The following CTNNA3 variants were observed in gnomAD, a reference collection of about 807,000 sequenced individuals.
CTNNA3 encodes catenin alpha-3.
A neutral mutation model predicts 95.7 loss-of-function variants in CTNNA3; 76 were observed. The ratio of observed to expected loss-of-function variants is 0.79; its 90% CI spans 0.66 to 0.96. The LOEUF is 0.96. CTNNA3 is among the 40% of genes least tolerant of loss of function. The pLI, the probability that CTNNA3 is intolerant of heterozygous loss-of-function variation, is 0.00. For synonymous variants in CTNNA3, 431 were observed against 374.4 expected, an observed-to-expected ratio of 1.15 and a Z score of -1.74; for missense variants, 1,191 against 1,089.8, an observed-to-expected ratio of 1.09 and a Z score of -1.31.
At chr10:66,382,711 T>G (rs2092851806) in intron 11 of CTNNA3, among the ~76,000 whole-genome samples, 1 of 152,134 alleles carries the variant, frequency 6.6e-6, no homozygotes, top group Non-Finnish European at 1.5e-5. Context: ...TATAGGCGGC[T>G]GCCCCTCTGG....
rs1386460728 is a variant in CTNNA3 at position 66,280,530 on chromosome 10, G to A, written c.1824C>T (p.Asp608=). The change falls in exon 13 of 18, where the codon GAC becomes GAT. Residue 608 remains aspartate (D), a synonymous_variant. Coordinates refer to ENST00000433211, the MANE Select transcript of CTNNA3 (RefSeq NM_013266.4). Reference sequence around the variant, plus strand: ...TTGTATCATAGATCTTCTTTGAGATGTCCACAAATTGATTATCATCCAACA... The same window carrying A: ...TTGTATCATAGATCTTCTTTGAGATATCCACAAATTGATTATCATCCAACA... The part of the protein sequence containing the change: ...LNVLDDNQFV[D]ISKKIYDTIH... 3.7e-6 allele frequency: 6 copies of A among 1,609,548 alleles called. No individual in the cohort carries two copies. Among genetic ancestry groups the A allele is most frequent in the Middle Eastern group, 1.7e-4 (1 of 6,036 alleles).
chr10:67,579,153 A>G (rs1264379572), intron 3 of CTNNA3, among the ~76,000 whole-genome samples: 3 of 147,608 alleles, frequency 2.0e-5, no homozygotes, highest in African/African-American at 7.6e-5. Flanking sequence ...TGCTGCACCG[A>G]TTAACTCATC....
intron 12 of CTNNA3, among the ~76,000 whole-genome samples, chr10:66,367,926 A>T (rs1341741634): frequency 7.5e-6 from 1 of 133,754 alleles, no homozygotes; most frequent in Non-Finnish European, 1.6e-5. Context: ...TATTATTATT[A>T]TTTTCTGGGA....
At chr10:66,722,133 C>T (rs1564639729) in intron 9 of CTNNA3, among the ~76,000 whole-genome samples, 1 of 152,126 alleles carries the variant, frequency 6.6e-6, no homozygotes, top group Non-Finnish European at 1.5e-5. Context: ...AATCCCAGCA[C>T]TTTGGGAGGC....
At chr10:67,659,740 G>A (rs1840126051) in intron 1 of CTNNA3, among the ~76,000 whole-genome samples, 1 of 152,180 alleles carries the variant, frequency 6.6e-6, no homozygotes, top group African/African-American at 2.4e-5. Flanking sequence ...AAGTGACAGA[G>A]GCTTCTGTTG....
rs1454649034 is a variant in CTNNA3, at chr10:67,647,490, T to C, written c.24A>G (p.Thr8=). The part of the protein sequence containing the change: MSAETPI[T]LNIDPQDLQV... Reference sequence around the variant, plus strand: ...GCAGATCCTGAGGATCGATATTCAATGTGATTGGTGTTTCAGCTGACATGC... The same window carrying C: ...GCAGATCCTGAGGATCGATATTCAACGTGATTGGTGTTTCAGCTGACATGC... The change falls in exon 2 of 18, where the codon ACA becomes ACG. Residue 8 remains threonine, a synonymous_variant. Coordinates refer to ENST00000433211, the MANE Select transcript of CTNNA3 (RefSeq NM_013266.4). The C allele has an allele frequency of 1.2e-6, 2 of 1,613,368 alleles. No individual in the cohort carries two copies. Among genetic ancestry groups the C allele is most frequent in the East Asian group, 2.2e-5 (1 of 44,862 alleles).
intron 8 of CTNNA3, among the ~76,000 whole-genome samples, chr10:66,770,892 G>A (rs1371287529): frequency 6.6e-6 from 1 of 151,818 alleles, no homozygotes; most frequent in African/African-American, 2.4e-5. Flanking sequence ...TAAATTAAAA[G>A]CCATTTTAAT....
intron 9 of CTNNA3, among the ~76,000 whole-genome samples, chr10:66,763,916 C>T (rs1839730674): frequency 6.6e-6 from 1 of 152,190 alleles, no homozygotes; most frequent in Non-Finnish European, 1.5e-5. Flanking sequence ...GCTCCATTCC[C>T]TGCCAGTATG....
chr10:66,792,279 AAT>A (rs1392705061), intron 7 of CTNNA3, among the ~76,000 whole-genome samples: 1 of 152,220 alleles, frequency 6.6e-6, no homozygotes, highest in East Asian at 1.9e-4. Flanking sequence ...GATGTCTACT[AAT>A]ATTCCTCGTA....
At chr10:66,597,550 ATATATT>A (rs1415292394) in intron 10 of CTNNA3, among the ~76,000 whole-genome samples, 18 of 133,120 alleles carry the variant, frequency 1.4e-4, no homozygotes, top group Non-Finnish European at 2.4e-4. Flanking sequence ...ATATATATAT[ATATATT>A]TATTAAAAAT....
At chr10:66,399,321 T>C (rs2093002455) in intron 11 of CTNNA3, among the ~76,000 whole-genome samples, 1 of 151,832 alleles carries the variant, frequency 6.6e-6, no homozygotes, top group South Asian at 2.1e-4. Context: ...TCTTCTGCAC[T>C]AGTGAATTTT....
rs1284606581 is a variant in CTNNA3, at chr10:67,043,131, C to CTTTTTTTTT, written c.1047+137185_1047+137186insAAAAAAAAA. On this transcript the variant is annotated intron_variant, in intron 7 of 17. Transcript: ENST00000433211. ...GATTTCATGCCTCAAGGCTCACTTT[C>CTTTTTTTTT]TTTCTTTTTTTTTTTTTTTTTCTGT... 3.3e-5 allele frequency among the ~76,000 whole-genome samples: 2 copies of CTTTTTTTTT among 60,210 alleles called. 1 individual carries two copies. 39.5% of individuals were successfully genotyped at this position (60,210 alleles called of 152,430 possible).
intron 5 of CTNNA3, among the ~76,000 whole-genome samples, chr10:67,298,691 A>G (rs1468778730): frequency 6.6e-6 from 1 of 152,212 alleles, no homozygotes; most frequent in Non-Finnish European, 1.5e-5. Flanking sequence ...ATGTAAATGC[A>G]AACTACTTCT....
intron 1 of CTNNA3, among the ~76,000 whole-genome samples, chr10:67,728,280 C>T (rs1589583285): frequency 6.7e-6 from 1 of 148,668 alleles, no homozygotes; most frequent in African/African-American, 2.5e-5. Context: ...ATGGTGAAAC[C>T]CCATCTCCAC....
intron 5 of CTNNA3, among the ~76,000 whole-genome samples, chr10:67,236,721 A>G (rs1427261315): frequency 1.3e-5 from 2 of 152,090 alleles, no homozygotes; most frequent in African/African-American, 4.8e-5. Flanking sequence ...CAACAAACAT[A>G]TGAAAAAATG....
chr10:67,067,602 A>G (rs561178231), intron 7 of CTNNA3, among the ~76,000 whole-genome samples: 47 of 152,230 alleles, frequency 3.1e-4, no homozygotes, highest in Non-Finnish European at 4.1e-4. Context: ...CTTATCTAAT[A>G]AAAAGAATCT....
chr10:67,391,409 T>C (rs1016845136), intron 5 of CTNNA3, among the ~76,000 whole-genome samples: 25 of 151,848 alleles, frequency 1.6e-4, no homozygotes, highest in Non-Finnish European at 2.9e-4. Context: ...TAAAAGAGGA[T>C]ACAAACAAAT....
chr10:66,832,144 T>C (rs12260366), intron 7 of CTNNA3, among the ~76,000 whole-genome samples: 9,641 of 152,234 alleles, frequency 0.063, 409 homozygotes, highest in South Asian at 0.14. Context: ...ATCAAAGACA[T>C]AATATTTCTA....
chr10:67,034,237 C>T (rs1004978241), intron 7 of CTNNA3, among the ~76,000 whole-genome samples: 2 of 152,172 alleles, frequency 1.3e-5, no homozygotes, highest in Admixed American at 6.5e-5. Flanking sequence ...CTTTCTTTAA[C>T]CACACTGGAG....
Sources: allele counts gnomAD v4.1 joint callset (sites outside exome capture counted in the v4.1 genomes callset), GRCh38; gene constraint gnomAD v4.1.1; transcripts MANE v1.5; gene names NCBI Gene and HGNC (gene_info 2026-07-23, HGNC 2026-07-21).